ZNF705G: variants seen among roughly 807,000 people sequenced by gnomAD.
The protein encoded by ZNF705G is zinc finger protein 705G, also known as putative zinc finger protein 705G.
Under a neutral mutation model 19.6 loss-of-function variants are expected in ZNF705G, and 23 were observed. That is an observed-to-expected ratio of 1.17 (90% CI 0.84 to 1.66). The LOEUF is 1.66. Among genes scored for constraint, ZNF705G ranks in the 40% most tolerant of loss-of-function variants. The pLI is 0.00. For missense variants in ZNF705G, 457 were observed against 354.4 expected (o/e 1.29, Z -2.32); for synonymous variants, 146 against 117.7 (o/e 1.24, Z -1.56).
intron 2 of ZNF705G, among the ~76,000 whole-genome samples, chr8:7,371,029 T>A (rs1246170049): frequency 7.5e-6 from 1 of 133,216 alleles, no homozygotes; most frequent in Admixed American, 7.8e-5. Flanking sequence ...CACATGGATA[T>A]TAGGAGGGGA....
chr8:7,361,890 A>G lies in ZNF705G; in HGVS notation c.13-654T>C, dbSNP rs528110212. On this transcript the variant is annotated intron_variant, in intron 3 of 6. Coordinates refer to ENST00000400156, the MANE Select transcript of ZNF705G (RefSeq NM_001164457.3). ...AGAATATAGGATTCAATTCATATAT[A>G]TAGTCTCTCTAATGTTATATAATTC... 2.7e-5 allele frequency among the ~76,000 whole-genome samples: 4 copies of G among 149,794 alleles called. No individual in the cohort carries two copies. In the East Asian group the frequency reaches 7.7e-4, roughly 29 times the overall value.
rs1436838360 is a variant in ZNF705G at position 7,355,685 on chromosome 8, C to A, written c.*2291G>T. ...TGGAGATCTGCCACCATGCATTTGT[C>A]AAATCCCATAGAATTTCACAGCACA... On this transcript the variant is annotated 3_prime_UTR_variant, in exon 7 of 7. Coordinates refer to ENST00000400156, the MANE Select transcript of ZNF705G (RefSeq NM_001164457.3). 1 of 149,688 alleles carries A rather than the reference C, an allele frequency of 6.7e-6. No individual in the cohort carries two copies. Among genetic ancestry groups the A allele is most frequent in the Non-Finnish European group, 1.5e-5 (1 of 68,014 alleles). 9.3% of individuals were successfully genotyped at this position (149,688 alleles called of 1,614,324 possible).
chr8:7,371,125 T>C (rs1304455338), intron 2 of ZNF705G, among the ~76,000 whole-genome samples: 1 of 142,556 alleles, frequency 7.0e-6, no homozygotes, highest in African/African-American at 2.8e-5. Flanking sequence ...TGGAATATTG[T>C]TCAGTGTTAC....
chr8:7,367,690 C>T (rs1806920465), intron 2 of ZNF705G, among the ~76,000 whole-genome samples: 1 of 149,590 alleles, frequency 6.7e-6, no homozygotes, highest in Non-Finnish European at 1.5e-5. Context: ...GGGTCTCTTC[C>T]AAGAGAATTT....
chr8:7,358,622 A>C lies in ZNF705G; in HGVS notation c.319-62T>G, dbSNP rs1224658317. On this transcript the variant is annotated intron_variant, in intron 6 of 6. Transcript: ENST00000400156. Reference sequence around the variant, plus strand: ...CCACATATATCTATACATTCATTTCACTACCTTTGAATCCTAGACCAACCA... The same window carrying C: ...CCACATATATCTATACATTCATTTCCCTACCTTTGAATCCTAGACCAACCA... 25 of 1,597,488 alleles carry C rather than the reference A, an allele frequency of 1.6e-5. 1 individual carries two copies. The highest frequency in any genetic ancestry group is 2.9e-5 in the African/African-American group (2 of 69,554).
chr8:7,364,567 C>A (rs1443989741), intron 2 of ZNF705G, among the ~76,000 whole-genome samples: 1 of 149,448 alleles, frequency 6.7e-6, no homozygotes, highest in Non-Finnish European at 1.5e-5. Context: ...TTCTGCGTGT[C>A]GCTGCCTCTT....
Position 7,359,535 on chromosome 8 carries a change from T to G in ZNF705G, c.318+84A>C. 6.3e-6 allele frequency: 10 copies of G among 1,582,436 alleles called. 1 individual carries two copies. Among genetic ancestry groups the G allele is most frequent in the Non-Finnish European group, 7.7e-6 (9 of 1,169,128 alleles). ...ACACTTAATGCCAGCTTAATTACAC[T>G]CAGGTGATTGTGCTTCATTACTAAC... is the stretch of plus-strand genomic sequence containing the variant. On this transcript the variant is annotated intron_variant, in intron 6 of 6. Coordinates refer to ENST00000400156, the MANE Select transcript of ZNF705G (RefSeq NM_001164457.3).
intron 6 of ZNF705G, among the ~76,000 whole-genome samples, chr8:7,359,171 CA>C (rs1806445990): frequency 6.7e-6 from 1 of 149,492 alleles, no homozygotes; most frequent in South Asian, 2.1e-4. Context: ...TTGGAGCCTT[CA>C]AAATCATCTT....
chr8:7,362,285 C>T (rs567210283), intron 3 of ZNF705G, among the ~76,000 whole-genome samples: 105 of 149,766 alleles, frequency 7.0e-4, no homozygotes, highest in Admixed American at 6.6e-4. Context: ...GGTTAATTAC[C>T]AAAAGGTAAA....
Position 7,360,294 on chromosome 8 carries a change from C to T in ZNF705G, c.178G>A (p.Glu60Lys), listed in dbSNP as rs778989998. The change falls in exon 5 of 7, where the codon GAG becomes AAG. Residue 60 changes from glutamate to lysine, a missense_variant. By Grantham distance (56) the Glu-to-Lys change is moderately conservative. Transcript: ENST00000400156. ...TCCCTCCACAGCTCTTTTCCTTGCTCCAGCTGCAAAATTATATAGGATTTG... is the reference window on the plus strand; with the variant it reads ...TCCCTCCACAGCTCTTTTCCTTGCTTCAGCTGCAAAATTATATAGGATTTG... ...ISKSYIILQL[E>K]QGKELWREGR... 4.7e-5 allele frequency: 74 copies of T among 1,590,974 alleles called. 2 individuals are homozygous for T. The South Asian group carries it at 7.9e-4, about 17-fold the overall frequency.
In ZNF705G at chr8:7,370,180, A is replaced by G. The variant is rs531599146; in HGVS notation, c.-71-7163T>C. On this transcript the variant is annotated intron_variant, in intron 2 of 6. Transcript: ENST00000400156. ...CAGCTACTTGGGAGGCTGAGGCAGGAGAATGACGTGAACCTAGGAGGCGGA... is the reference window on the plus strand; with the variant it reads ...CAGCTACTTGGGAGGCTGAGGCAGGGGAATGACGTGAACCTAGGAGGCGGA... 9.4e-5 allele frequency among the ~76,000 whole-genome samples: 14 copies of G among 148,514 alleles called. No homozygotes were observed. In the East Asian group the frequency reaches 2.7e-3, roughly 29 times the overall value.
At chr8:7,363,411 C>T (rs1270114898) in intron 2 of ZNF705G, among the ~76,000 whole-genome samples, 1 of 148,572 alleles carries the variant, frequency 6.7e-6, no homozygotes, top group Non-Finnish European at 1.5e-5. Flanking sequence ...TAGCTTTATG[C>T]CCTAGCAACG....
intron 2 of ZNF705G, among the ~76,000 whole-genome samples, chr8:7,364,151 G>A (rs1806741174): frequency 6.7e-6 from 1 of 149,572 alleles, no homozygotes; most frequent in Admixed American, 6.6e-5. Context: ...TATTTGCTGA[G>A]AAATACCGAT....
rs1806376732 is a variant in ZNF705G, at chr8:7,358,213, G to C, written c.666C>G (p.His222Gln). 1 of 1,607,538 alleles carries C rather than the reference G, an allele frequency of 6.2e-7. No individual in the cohort carries two copies. Among genetic ancestry groups the C allele is most frequent in the African/African-American group, 1.4e-5 (1 of 71,184 alleles). The change falls in exon 7 of 7, where the codon CAC (histidine) becomes CAG (glutamine). Residue 222 changes from histidine to glutamine, a missense_variant. Transcript: ENST00000400156. Reference protein sequence around the residue: ...CSHLRRHEKTHTGQRPYKCHQ... With the variant: ...CSHLRRHEKTQTGQRPYKCHQ... ...GACACTTATATGGTCTCTGTCCCGT[G>C]TGAGTTTTCTCGTGTCTTCTAAGGT...
intron 1 of ZNF705G, among the ~76,000 whole-genome samples, chr8:7,384,999 G>A (rs1471438649): frequency 1.4e-5 from 2 of 146,414 alleles, no homozygotes; most frequent in Non-Finnish European, 2.9e-5. Flanking sequence ...TTATTTTACA[G>A]TCTTTCTTGC....
At position 7,359,762 on chromosome 8, in the gene ZNF705G, G is replaced by A. The variant is rs1433180240; in HGVS notation, c.236-61C>T. Reference sequence around the variant, plus strand: ...TTATGGTAATAAAATTGTTTGAAAAGCCCCAAAGCCCACGTACTTTTTTCA... The same window carrying A: ...TTATGGTAATAAAATTGTTTGAAAAACCCCAAAGCCCACGTACTTTTTTCA... On this transcript the variant is annotated intron_variant, in intron 5 of 6. Coordinates refer to ENST00000400156, the MANE Select transcript of ZNF705G (RefSeq NM_001164457.3). 75 of 1,602,282 alleles carry A rather than the reference G, an allele frequency of 4.7e-5. No individual in the cohort carries two copies. In the East Asian group the frequency reaches 1.2e-3, roughly 25 times the overall value.
chr8:7,379,710 T>A (rs1040051469), intron 2 of ZNF705G, among the ~76,000 whole-genome samples: 1 of 147,230 alleles, frequency 6.8e-6, no homozygotes, highest in Non-Finnish European at 1.5e-5. Context: ...CTGTGGACAC[T>A]GCAATCCTAG....
chr8:7,358,214 T>G lies in ZNF705G; in HGVS notation c.665A>C (p.His222Pro). The G allele has an allele frequency of 6.2e-7, 1 of 1,607,642 alleles. No individual in the cohort carries two copies. The highest frequency in any genetic ancestry group is 8.5e-7 in the Non-Finnish European group (1 of 1,179,614). Residue 222 changes from histidine (H) to proline (P), a missense_variant, in exon 7 of 7, where the codon CAC becomes CCC. Transcript: ENST00000400156. ...CSHLRRHEKT[H>P]TGQRPYKCHQ... ...ACACTTATATGGTCTCTGTCCCGTG[T>G]GAGTTTTCTCGTGTCTTCTAAGGTG...
Position 7,357,377 on chromosome 8 carries a change from C to A in ZNF705G, c.*599G>T, listed in dbSNP as rs538522675. ...CATTTTGTCACTCTTCTCTTGTGAACATCAAGCCTGGTGCTTGGCTGAATG... is the reference window on the plus strand; with the variant it reads ...CATTTTGTCACTCTTCTCTTGTGAAAATCAAGCCTGGTGCTTGGCTGAATG... On this transcript the variant is annotated 3_prime_UTR_variant, in exon 7 of 7. Coordinates refer to ENST00000400156, the MANE Select transcript of ZNF705G (RefSeq NM_001164457.3). 1.3e-5 allele frequency: 2 copies of A among 156,840 alleles called. No individual in the cohort carries two copies. Among genetic ancestry groups the A allele is most frequent in the Non-Finnish European group, 2.8e-5 (2 of 71,904 alleles). The allele number at this position is 156,840 out of a possible 1,614,324, so 9.7% of individuals were successfully genotyped here.
Sources: gnomAD v4.1 joint callset for allele counts (sites outside exome capture counted in the v4.1 genomes callset) on GRCh38, gnomAD v4.1.1 for gene constraint, MANE v1.5 for transcripts, NCBI Gene and HGNC (gene_info 2026-07-23, HGNC 2026-07-21) for gene names.